Variants in FGF12 observed in about 807,000 individuals in gnomAD.
FGF12 encodes fibroblast growth factor 12.
Under a neutral mutation model 23.6 loss-of-function variants are expected in FGF12, and 14 were observed. That is an observed-to-expected ratio of 0.59 (90% confidence interval 0.39 to 0.93). The LOEUF (loss-of-function observed/expected upper bound fraction) is 0.93. Among genes scored for constraint, FGF12 ranks in the 40% least tolerant of loss-of-function variants. FGF12 has a pLI of 0.00. For missense variants in FGF12, 175 were observed against 217.8 expected (o/e 0.80, Z 1.24); for synonymous variants, 62 against 77.3 (o/e 0.80, Z 1.04).
intron 2 of FGF12, among the ~76,000 whole-genome samples, chr3:192,601,160 A>G (rs1714099847): frequency 6.6e-6 from 1 of 152,166 alleles, no homozygotes; most frequent in Non-Finnish European, 1.5e-5. Context: ...CATGGATGGA[A>G]GTGGAGGGCA....
chr3:192,305,722 T>C (rs1715603126), intron 4 of FGF12, among the ~76,000 whole-genome samples: 1 of 146,118 alleles, frequency 6.8e-6, no homozygotes, highest in Non-Finnish European at 1.5e-5. Flanking sequence ...TATGAAAAAC[T>C]GTGTGAAAAG....
At chr3:192,193,968 G>A (rs968274395) in intron 4 of FGF12, among the ~76,000 whole-genome samples, 5 of 152,060 alleles carry the variant, frequency 3.3e-5, no homozygotes, top group Non-Finnish European at 7.4e-5. Flanking sequence ...GCAGGGATGT[G>A]TAGTATGTAG....
Position 192,263,596 on chromosome 3 carries a change from C to T in FGF12, c.228+71765G>A, listed in dbSNP as rs543098216. Among the ~76,000 whole-genome samples the T allele has an allele frequency of 6.0e-5, 9 of 150,576 alleles. No individual in the cohort carries two copies. In the South Asian group the frequency reaches 6.3e-4, roughly 10 times the overall value. ...AGCCACACTCCAAACCAATTAAATA[C>T]GCATATGAGTCCAGGGATGAAGTTT... On this transcript the variant is annotated intron_variant, in intron 4 of 5. Transcript: ENST00000445105.
At chr3:192,303,268 A>T (rs1166686999) in intron 4 of FGF12, among the ~76,000 whole-genome samples, 2 of 152,190 alleles carry the variant, frequency 1.3e-5, no homozygotes, top group Non-Finnish European at 1.5e-5. Flanking sequence ...ATGCATCAAC[A>T]TCAGAGATTT....
intron 2 of FGF12, among the ~76,000 whole-genome samples, chr3:192,558,627 A>G (rs1711889276): frequency 6.6e-6 from 1 of 151,970 alleles, no homozygotes; most frequent in East Asian, 1.9e-4. Flanking sequence ...CAACAACAAC[A>G]AAACACTGTA....
chr3:192,588,293 T>G (rs1417868316), intron 2 of FGF12, among the ~76,000 whole-genome samples: 1 of 130,556 alleles, frequency 7.7e-6, no homozygotes, highest in Non-Finnish European at 1.5e-5. Flanking sequence ...GAGCTTGCAG[T>G]GAGCCGAGAT....
chr3:192,287,621 G>A (rs1467931340), intron 4 of FGF12, among the ~76,000 whole-genome samples: 2 of 152,134 alleles, frequency 1.3e-5, no homozygotes, highest in Non-Finnish European at 1.5e-5. Flanking sequence ...CTTCAGTGGA[G>A]GGGCAAATGA....
intron 4 of FGF12, among the ~76,000 whole-genome samples, chr3:192,254,973 C>T (rs890251339): frequency 3.3e-5 from 5 of 151,978 alleles, no homozygotes; most frequent in African/African-American, 1.2e-4. Context: ...TGCCATAGGT[C>T]TAGAGAGATG....
At chr3:192,174,581 A>G (rs1210448427) in intron 4 of FGF12, among the ~76,000 whole-genome samples, 2 of 152,142 alleles carry the variant, frequency 1.3e-5, no homozygotes, top group Non-Finnish European at 2.9e-5. Context: ...GGAAATCTTA[A>G]TGGCACTGAA....
At chr3:192,421,048 C>A (rs930112108) in intron 2 of FGF12, among the ~76,000 whole-genome samples, 1 of 152,060 alleles carries the variant, frequency 6.6e-6, no homozygotes, top group Non-Finnish European at 1.5e-5. Context: ...CGACGAGAAT[C>A]GACAGTGGCC....
chr3:192,228,874 T>A (rs1255876557), intron 4 of FGF12, among the ~76,000 whole-genome samples: 1 of 152,126 alleles, frequency 6.6e-6, no homozygotes, highest in Non-Finnish European at 1.5e-5. Flanking sequence ...AGAGGGAAAC[T>A]AGACACTACG....
chr3:192,554,879 C>A (rs1023277744), intron 2 of FGF12, among the ~76,000 whole-genome samples: 3 of 151,452 alleles, frequency 2.0e-5, no homozygotes, highest in African/African-American at 7.3e-5. Context: ...TGAAAGAATA[C>A]AATAACTAAA....
intron 4 of FGF12, among the ~76,000 whole-genome samples, chr3:192,281,717 T>C (rs1714155622): frequency 1.3e-5 from 2 of 152,066 alleles, no homozygotes; most frequent in Admixed American, 1.3e-4. Flanking sequence ...GTGAAAGGAT[T>C]AGGGGTAATC....
chr3:192,408,455 C>A lies in FGF12; in HGVS notation c.14-47917G>T. 4 of 1,362,888 alleles carry A rather than the reference C, an allele frequency of 2.9e-6. No homozygotes were observed. The African/African-American group carries it at 4.5e-5, about 15-fold the overall frequency. 84.4% of individuals were successfully genotyped at this position (1,362,888 alleles called of 1,614,324 possible). A position where few individuals can be genotyped will look rare whatever the true frequency, so the allele number is the denominator to read the frequency against. On this transcript the variant is annotated intron_variant, in intron 2 of 5. Coordinates refer to ENST00000445105, the MANE Select transcript of FGF12 (RefSeq NM_004113.6). This position sits in a 1 kb window ranked among gnomAD's most constrained non-coding sequence, Gnocchi z 7.3. ...AGATGTAAACTTCCCCAACCTCTGG[C>A]GGCCGGGGGGCGGGGCGGGGCGGTC...
At chr3:192,568,691 T>C (rs1712458002) in intron 2 of FGF12, among the ~76,000 whole-genome samples, 1 of 152,154 alleles carries the variant, frequency 6.6e-6, no homozygotes, top group Non-Finnish European at 1.5e-5. Flanking sequence ...AATATCTGCC[T>C]ATTGTGGATA....
At chr3:192,724,847 C>T (rs530422688) in intron 2 of FGF12, among the ~76,000 whole-genome samples, 5 of 152,172 alleles carry the variant, frequency 3.3e-5, no homozygotes, top group South Asian at 4.1e-4. Flanking sequence ...CAAGTGTTGG[C>T]GATGGGATTC....
chr3:192,636,544 T>C (rs1248592848), intron 2 of FGF12, among the ~76,000 whole-genome samples: 1 of 152,256 alleles, frequency 6.6e-6, no homozygotes, highest in Non-Finnish European at 1.5e-5. Context: ...ACATCTTTAC[T>C]TCTTTTCTCC....
chr3:192,474,055 A>C (rs1289915204), intron 2 of FGF12, among the ~76,000 whole-genome samples: 1 of 152,230 alleles, frequency 6.6e-6, no homozygotes, highest in East Asian at 1.9e-4. Context: ...AGAACACAGA[A>C]GAAAACCTTA....
intron 4 of FGF12, among the ~76,000 whole-genome samples, chr3:192,312,871 T>C (rs926033682): frequency 1.3e-5 from 2 of 152,200 alleles, no homozygotes; most frequent in African/African-American, 4.8e-5. Flanking sequence ...TGTTTGCCTT[T>C]GTCTTCTACC....
Sources: allele counts gnomAD v4.1 joint callset (sites outside exome capture counted in the v4.1 genomes callset), GRCh38; gene constraint gnomAD v4.1.1; non-coding constraint Gnocchi (gnomAD v3.1); transcripts MANE v1.5; gene names NCBI Gene and HGNC (gene_info 2026-07-23, HGNC 2026-07-21).